The following USP53 variants were observed in gnomAD, a reference collection of about 807,000 sequenced individuals.
The protein encoded by USP53 is ubiquitin carboxyl-terminal hydrolase 53.
A neutral mutation model predicts 94.9 loss-of-function variants in USP53; 71 were observed. That is an observed-to-expected ratio of 0.75 (90% confidence interval 0.62 to 0.91). USP53 has a LOEUF of 0.91. USP53 is among the 40% of genes least tolerant of loss of function. The pLI is 0.00. For missense variants in USP53, 1,173 were observed against 1,281.0 expected (o/e 0.92, Z 1.29); for synonymous variants, 375 against 422.7 (o/e 0.89, Z 1.39).
chr4:119,227,246 T>C (rs1348813638), intron 3 of USP53, among the ~76,000 whole-genome samples: 2 of 76,360 alleles, frequency 2.6e-5, no homozygotes, highest in Non-Finnish European at 5.6e-5. Flanking sequence ...TCCAAAGCCT[T>C]GTCTAACACT....
intron 3 of USP53, chr4:119,218,597 T>C (rs1309525333): frequency 1.3e-5 from 2 of 152,202 alleles, no homozygotes; most frequent in Non-Finnish European, 2.9e-5. Context: ...TTATAAATTT[T>C]CTACTGTAGT....
At chr4:119,275,661 A>G (rs1304898050) in intron 17 of USP53, among the ~76,000 whole-genome samples, 116 of 152,044 alleles carry the variant, frequency 7.6e-4, no homozygotes, top group African/African-American at 2.7e-3. Context: ...TGATGGGGAT[A>G]GCATTGAATC....
intron 7 of USP53, among the ~76,000 whole-genome samples, chr4:119,252,898 G>A (rs543217803): frequency 5.9e-5 from 9 of 152,216 alleles, no homozygotes; most frequent in African/African-American, 2.2e-4. Context: ...TCCACACACT[G>A]CCTTAAATGT....
chr4:119,279,194 C>T (rs886954415), intron 17 of USP53, among the ~76,000 whole-genome samples: 19 of 136,550 alleles, frequency 1.4e-4, no homozygotes, highest in Non-Finnish European at 2.9e-4. Flanking sequence ...TTAGAGTTTC[C>T]AGTTTTTCTG....
intron 7 of USP53, among the ~76,000 whole-genome samples, chr4:119,255,722 T>C (rs1749678032): frequency 6.6e-6 from 1 of 152,208 alleles, no homozygotes; most frequent in Non-Finnish European, 1.5e-5. Flanking sequence ...GGTGATGTCC[T>C]GCCCTGCTTT....
At chr4:119,219,313 G>C (rs1037245758) in intron 3 of USP53, 1 of 152,140 alleles carries the variant, frequency 6.6e-6, no homozygotes, top group Non-Finnish European at 1.5e-5. Flanking sequence ...ATCTTTCCTT[G>C]CCCCTTCCTA....
intron 17 of USP53, among the ~76,000 whole-genome samples, chr4:119,276,417 A>G (rs1275481037): frequency 6.6e-6 from 1 of 151,110 alleles, no homozygotes; most frequent in African/African-American, 2.4e-5. Flanking sequence ...ATTTGCGTGT[A>G]TTGAACCAGC....
chr4:119,228,994 T>C, intron 3 of USP53, among the ~76,000 whole-genome samples: 1 of 152,248 alleles, frequency 6.6e-6, no homozygotes. Flanking sequence ...AATTACTGGC[T>C]GTTCCTATAG....
chr4:119,232,968 T>G (rs542736903), intron 3 of USP53, among the ~76,000 whole-genome samples: 1 of 152,268 alleles, frequency 6.6e-6, no homozygotes, highest in African/African-American at 2.4e-5. Context: ...GGGAGAACTT[T>G]TCTCTCTTTT....
At chr4:119,270,168 C>T (rs973813295) in intron 15 of USP53, among the ~76,000 whole-genome samples, 6 of 151,362 alleles carry the variant, frequency 4.0e-5, no homozygotes, top group Non-Finnish European at 7.4e-5. Context: ...AATCATAGCT[C>T]TCTGCAGTCT....
intron 12 of USP53, among the ~76,000 whole-genome samples, chr4:119,263,624 A>G (rs1033375051): frequency 1.3e-5 from 2 of 152,186 alleles, no homozygotes; most frequent in Non-Finnish European, 2.9e-5. Flanking sequence ...AAAATCATAC[A>G]AGGTTAGTAA....
chr4:119,293,555 T>G lies in USP53; in HGVS notation c.*344T>G, dbSNP rs149770638. On this transcript the variant is annotated 3_prime_UTR_variant, in exon 19 of 19. Coordinates refer to ENST00000692078, the MANE Select transcript of USP53 (RefSeq NM_001371395.1). ...ATAGAAAATCAGGGAGATATAATAA[T>G]TCATTTGTCATATGCTACAGTTGAA... 2.4e-3 allele frequency: 424 copies of G among 180,366 alleles called. 1 individual carries two copies. The highest frequency in any genetic ancestry group is 9.6e-3 in the African/African-American group (406 of 42,378). The allele number at this position is 180,366 out of a possible 1,614,324, so 11.2% of individuals were successfully genotyped here.
At position 119,271,946 on chromosome 4, in the gene USP53, A is replaced by G; in HGVS notation, c.2086A>G (p.Asn696Asp). Residue 696 changes from asparagine to aspartate, a missense_variant, in exon 16 of 19, where the codon AAT becomes GAT. By Grantham distance (23) the Asn-to-Asp change is conservative (BLOSUM62 1). Transcript: ENST00000692078. Reference protein sequence around the residue: ...SGYESSDHISNGSTNLDSPVI... With the variant: ...SGYESSDHISDGSTNLDSPVI... ...ATATGAAAGCAGTGATCACATCAGT[A>G]ATGGTTCTACTAATTTGGACTCACC... 4.3e-6 allele frequency: 7 copies of G among 1,614,100 alleles called. No homozygotes were observed. Among genetic ancestry groups the G allele is most frequent in the Non-Finnish European group, 5.9e-6 (7 of 1,180,002 alleles).
chr4:119,279,350 G>A lies in USP53; in HGVS notation c.2251+5642G>A, dbSNP rs560101528. Among the ~76,000 whole-genome samples, 1,019 of 146,992 alleles carry A rather than the reference G, an allele frequency of 6.9e-3. 7 individuals carry two copies. The highest frequency in any genetic ancestry group is 0.025 in the African/African-American group (948 of 37,806). On this transcript the variant is annotated intron_variant, in intron 17 of 18. Coordinates refer to ENST00000692078, the MANE Select transcript of USP53 (RefSeq NM_001371395.1). ...GACCCTCAGCTGCATGTCTGTTGGA[G>A]TACCCTGCCGTGTGAGGTGTCAGTG...
rs372471296 is a variant in USP53, at chr4:119,274,288, T to C, written c.2251+580T>C. Among the ~76,000 whole-genome samples, 109 of 127,394 alleles carry C rather than the reference T, an allele frequency of 8.6e-4. 1 individual carries two copies. The South Asian group carries it at 0.023, about 27-fold the overall frequency. 83.6% of individuals were successfully genotyped at this position (127,394 alleles called of 152,430 possible). On this transcript the variant is annotated intron_variant, in intron 17 of 18. Transcript: ENST00000692078. ...GCAGTCCCCAGAGTGTGATATTCCC[T>C]TTCCTGTGTCCATGTGATCTCATTG...
Position 119,271,463 on chromosome 4 carries a change from A to G in USP53, c.1603A>G (p.Ser535Gly), listed in dbSNP as rs752227515. The G allele has an allele frequency of 5.6e-6, 9 of 1,613,652 alleles. No homozygotes were observed. In the African/African-American group the frequency reaches 9.3e-5, roughly 17 times the overall value. ...AGCTTCTGCACAAATAATAAGTTCA[A>G]GTAAATCCCAGATTCTTGCTCCAGG... is the stretch of plus-strand genomic sequence containing the variant. ...SRASAQIISS[S>G]KSQILAPGEK... is the part of the protein sequence containing the mutation. Residue 535 changes from serine (S) to glycine (G), a missense_variant, in exon 16 of 19, where the codon AGT becomes GGT. Coordinates refer to ENST00000692078, the MANE Select transcript of USP53 (RefSeq NM_001371395.1).
At chr4:119,231,142 G>T (rs1338033906) in intron 3 of USP53, among the ~76,000 whole-genome samples, 1 of 152,168 alleles carries the variant, frequency 6.6e-6, no homozygotes, top group Non-Finnish European at 1.5e-5. Context: ...ACTGTCAGGG[G>T]TAACTGAGTA....
intron 1 of USP53, among the ~76,000 whole-genome samples, 190 bp from the exon 2 acceptor site, chr4:119,213,880 A>G (rs1743317876): frequency 7.9e-6 from 1 of 126,086 alleles, no homozygotes; most frequent in Non-Finnish European, 1.6e-5. Flanking sequence ...CAAAAAACAA[A>G]CAAACAAACA....
Position 119,267,302 on chromosome 4 carries a change from A to G in USP53, c.973-18A>G, listed in dbSNP as rs1751261082. On this transcript the variant is annotated intron_variant, in intron 12 of 18. Transcript: ENST00000692078. ...ACAAGGTTTTGTTTTGTCTTTATTC[A>G]TTGTGTTTTTTTAAAAGATTGGAAC... 1 of 1,610,280 alleles carries G rather than the reference A, an allele frequency of 6.2e-7. No individual in the cohort carries two copies. The highest frequency in any genetic ancestry group is 1.1e-5 in the South Asian group (1 of 90,310).
Sources: gnomAD v4.1 joint callset for allele counts (sites outside exome capture counted in the v4.1 genomes callset) on GRCh38, gnomAD v4.1.1 for gene constraint, MANE v1.5 for transcripts, NCBI Gene and HGNC (gene_info 2026-07-23, HGNC 2026-07-21) for gene names.